The following CDS1 variants were observed in gnomAD, a reference collection of about 807,000 sequenced individuals.
CDS1 encodes phosphatidate cytidylyltransferase 1.
Under a neutral mutation model 62.1 loss-of-function variants are expected in CDS1, and 41 were observed. The ratio of observed to expected loss-of-function variants is 0.66; its 90% CI spans 0.51 to 0.86. The LOEUF (loss-of-function observed/expected upper bound fraction) is 0.86, where lower values mean the gene tolerates loss of function less well. Among genes scored for constraint, CDS1 ranks in the 40% least tolerant of loss-of-function variants. The pLI is 0.00. For missense variants in CDS1, 470 were observed against 550.1 expected (o/e 0.85, Z 1.46); for synonymous variants, 185 against 192.6 (o/e 0.96, Z 0.32).
chr4:84,601,471 G>A (rs1722934256), intron 1 of CDS1, among the ~76,000 whole-genome samples: 1 of 152,158 alleles, frequency 6.6e-6, no homozygotes, highest in Non-Finnish European at 1.5e-5. Context: ...GGAGACATAA[G>A]TTTACGGGGA....
In CDS1 at chr4:84,609,470, T is replaced by G. The variant is rs1375431841; in HGVS notation, c.287T>G (p.Met96Arg). The change falls in exon 3 of 13, where the codon ATG becomes AGG. Residue 96 changes from methionine to arginine, a missense_variant. This residue lies in a region of CDS1 where 150 missense variants were observed against 142.0 expected (regional missense o/e 1.06). Transcript: ENST00000295887. ...WWIRGILTLT[M>R]ISLFFLIIYM... is the part of the protein sequence containing the mutation. ...ATACGTGGAATTCTCACTCTAACTA[T>G]GATCTCGTTGTTTTTCCTGATCATC... 2 of 1,611,864 alleles carry G rather than the reference T, an allele frequency of 1.2e-6. No individual in the cohort carries two copies. The highest frequency in any genetic ancestry group is 1.7e-6 in the Non-Finnish European group (2 of 1,178,222).
chr4:84,589,015 G>T (rs1222057322), intron 1 of CDS1, among the ~76,000 whole-genome samples: 1 of 152,136 alleles, frequency 6.6e-6, no homozygotes, highest in Non-Finnish European at 1.5e-5. Flanking sequence ...AATGACCATG[G>T]GCAGCTTGAA....
chr4:84,622,001 T>C (rs1723702604), intron 5 of CDS1, among the ~76,000 whole-genome samples: 1 of 152,264 alleles, frequency 6.6e-6, no homozygotes, highest in Non-Finnish European at 1.5e-5. Context: ...TCTGTGTTTA[T>C]CAAAGCACAT....
chr4:84,599,232 C>G (rs1168201578), intron 1 of CDS1, among the ~76,000 whole-genome samples: 1 of 151,758 alleles, frequency 6.6e-6, no homozygotes, highest in African/African-American at 2.4e-5. Flanking sequence ...GGCACCAAAC[C>G]CATTTGTGAG....
intron 1 of CDS1, among the ~76,000 whole-genome samples, chr4:84,601,288 C>G (rs1034544533): frequency 5.3e-5 from 8 of 152,036 alleles, no homozygotes; most frequent in Non-Finnish European, 8.8e-5. Flanking sequence ...AAGGTGGTGC[C>G]TAAGTTTCTG....
Position 84,640,900 on chromosome 4 carries a change from A to G in CDS1, c.942A>G (p.Val314=). 1 of 1,612,042 alleles carries G rather than the reference A, an allele frequency of 6.2e-7. No individual in the cohort carries two copies. Among genetic ancestry groups the G allele is most frequent in the Non-Finnish European group, 8.5e-7 (1 of 1,179,210 alleles). The change falls in exon 10 of 13, where the codon GTA becomes GTG. Residue 314 remains valine (V), a synonymous_variant. Transcript: ENST00000295887. ...GCCCAGTGGAATACCGAAGTGATGT[A>G]AACTCCTTCGTGACAGAATGTGAGC... is the stretch of plus-strand genomic sequence containing the variant. ...FVCPVEYRSD[V]NSFVTECEPS... is the part of the protein sequence containing the mutation.
At chr4:84,609,870 T>C (rs1578029946) in intron 3 of CDS1, among the ~76,000 whole-genome samples, 1 of 152,034 alleles carries the variant, frequency 6.6e-6, no homozygotes, top group East Asian at 1.9e-4. Context: ...TTTTAAAAAA[T>C]AAGCTTGGAG....
chr4:84,642,070 G>A (rs1332921518), intron 10 of CDS1, among the ~76,000 whole-genome samples: 2 of 152,194 alleles, frequency 1.3e-5, no homozygotes, highest in Non-Finnish European at 2.9e-5. Context: ...GCTTATGCCT[G>A]TAATCCCAAC....
At chr4:84,641,311 C>T (rs1724378181) in intron 10 of CDS1, among the ~76,000 whole-genome samples, 1 of 152,152 alleles carries the variant, frequency 6.6e-6, no homozygotes, top group Admixed American at 6.5e-5. Flanking sequence ...AGTGATCCGC[C>T]TGCTTCGGCT....
At chr4:84,583,556 C>T (rs1722321266) in intron 1 of CDS1, 38 bp downstream of exon 1, 1 of 1,304,642 alleles carries the variant, frequency 7.7e-7, no homozygotes, top group South Asian at 1.4e-5. Flanking sequence ...CGCGCCCTGG[C>T]TGGGTCCTGG....
At chr4:84,647,780 C>G (rs1724600753) in intron 12 of CDS1, among the ~76,000 whole-genome samples, 1 of 152,258 alleles carries the variant, frequency 6.6e-6, no homozygotes, top group Non-Finnish European at 1.5e-5. Context: ...TGTGGTAACA[C>G]TAAATAGCAA....
chr4:84,643,321 G>C (rs1315290279), intron 11 of CDS1, among the ~76,000 whole-genome samples, 178 bp downstream of exon 11: 1 of 152,060 alleles, frequency 6.6e-6, no homozygotes, highest in African/African-American at 2.4e-5. Flanking sequence ...TTTCTTTTTA[G>C]GTTTGTCATA....
In CDS1 at chr4:84,604,347, A is replaced by C; in HGVS notation, c.222A>C (p.Lys74Asn). Reference protein sequence around the residue: ...SSDRTPEILKKALSGLSSRWK... With the variant: ...SSDRTPEILKNALSGLSSRWK... ...ATAGAACCCCTGAGATTCTCAAAAA[A>C]GCTCTATCTGGTTTATCTTCAAGGT... The change falls in exon 2 of 13, where the codon AAA (lysine) becomes AAC (asparagine). Residue 74 changes from lysine to asparagine, a missense_variant. Physicochemically the swap from Lys to Asn is moderately conservative, Grantham distance 94 (BLOSUM62 0). Around this residue, in one of 5 missense-constraint regions of CDS1, gnomAD observed 150 missense variants for 142.0 expected, o/e 1.06. Transcript: ENST00000295887. 6.2e-7 allele frequency: 1 copy of C among 1,613,380 alleles called. No homozygotes were observed. Among genetic ancestry groups the C allele is most frequent in the South Asian group, 1.1e-5 (1 of 90,998 alleles).
At chr4:84,624,645 G>A (rs1002567264) in intron 5 of CDS1, among the ~76,000 whole-genome samples, 3 of 152,152 alleles carry the variant, frequency 2.0e-5, no homozygotes, top group Admixed American at 1.3e-4. Context: ...TAGAATGTCA[G>A]CATATAAGGT....
chr4:84,620,347 C>G (rs572261156), intron 5 of CDS1, among the ~76,000 whole-genome samples: 23 of 151,072 alleles, frequency 1.5e-4, no homozygotes, highest in Non-Finnish European at 3.2e-4. Flanking sequence ...CTCAGCCTCC[C>G]GAGTAGCTGG....
At chr4:84,643,336 GT>G (rs1399630269) in intron 11 of CDS1, among the ~76,000 whole-genome samples, 193 bp downstream of exon 11, 3 of 152,164 alleles carry the variant, frequency 2.0e-5, no homozygotes, top group Admixed American at 2.0e-4. Flanking sequence ...GTCATACCAT[GT>G]TAATACATTT....
At chr4:84,642,990 T>C in intron 10 of CDS1, 34 bp from the exon 11 acceptor site, 1 of 1,568,340 alleles carries the variant, frequency 6.4e-7, no homozygotes, top group Non-Finnish European at 8.7e-7. Flanking sequence ...TCAGTGAAAT[T>C]AGCCCCTCTC....
chr4:84,634,869 T>G (rs1273314012), intron 7 of CDS1, among the ~76,000 whole-genome samples: 1 of 152,208 alleles, frequency 6.6e-6, no homozygotes. Flanking sequence ...TATAAATTTA[T>G]CAGATTATGT....
rs1273303436 is a variant in CDS1, at chr4:84,584,160, A to G, written c.117+642A>G. On this transcript the variant is annotated intron_variant, in intron 1 of 12. Coordinates refer to ENST00000295887, the MANE Select transcript of CDS1 (RefSeq NM_001263.4). ...ATTTCATATAACCCGACGTTAATTC[A>G]TGAAGACTTTTCACTTCCTTTTCTA... Among the ~76,000 whole-genome samples, 3 of 152,202 alleles carry G rather than the reference A, an allele frequency of 2.0e-5. No individual in the cohort carries two copies. In the East Asian group the frequency reaches 5.8e-4, roughly 29 times the overall value.
Sources: allele counts gnomAD v4.1 joint callset (sites outside exome capture counted in the v4.1 genomes callset), GRCh38; gene constraint gnomAD v4.1.1; regional missense constraint gnomAD v4.1.1; transcripts MANE v1.5; gene names NCBI Gene and HGNC (gene_info 2026-07-23, HGNC 2026-07-21).